The following ARMC2 variants were observed in gnomAD, a reference collection of about 807,000 sequenced individuals.
ARMC2 encodes the protein armadillo repeat containing 2, also known as armadillo repeat-containing protein 2.
In ARMC2, 67 loss-of-function variants were observed where a neutral mutation model predicts 90.3. The observed-to-expected ratio is 0.74, with a 90% CI of 0.61 to 0.91. The LOEUF is 0.91. Ranked by LOEUF, ARMC2 falls within the 40% of genes least tolerant of loss-of-function variation. The pLI, the probability that ARMC2 is intolerant of heterozygous loss-of-function variation, is 0.00. For missense variants in ARMC2, 920 were observed against 1,030.9 expected, an observed-to-expected ratio of 0.89 and a Z score of 1.47; for synonymous variants, 393 against 393.0, an observed-to-expected ratio of 1.00 and a Z score of 0.00.
chr6:108,907,477 T>TTTTTTTTTTTTTTTTA (rs58992504), intron 8 of ARMC2: 8 of 330,234 alleles, frequency 2.4e-5, no homozygotes, highest in Admixed American at 5.4e-5. Context: ...TTTTTTTTTT[T>TTTTTTTTTTTTTTTTA]ACCAGTCATC....
intron 1 of ARMC2, among the ~76,000 whole-genome samples, chr6:108,852,344 A>G (rs1006918011): frequency 2.6e-5 from 4 of 152,230 alleles, no homozygotes; most frequent in South Asian, 2.1e-4. Flanking sequence ...GTTTCTCACA[A>G]TATAATTGTT....
chr6:108,897,682 C>T (rs1196550168), intron 6 of ARMC2, among the ~76,000 whole-genome samples: 3 of 151,922 alleles, frequency 2.0e-5, no homozygotes, highest in Non-Finnish European at 2.9e-5. Flanking sequence ...GATTGCACAG[C>T]GTCCCTGCTT....
the ARMC2 span, among the ~76,000 whole-genome samples, chr6:109,002,517 C>G: frequency 6.6e-6 from 1 of 152,118 alleles, no homozygotes; most frequent in African/African-American, 2.4e-5. Flanking sequence ...TAGCTAACAA[C>G]AGCTTATAAT....
In ARMC2 at chr6:108,973,507, C is replaced by T; in HGVS notation, c.2597C>T (p.Ser866Phe). Residue 866 changes from serine to phenylalanine, a missense_variant, in exon 18 of 18, where the codon TCT becomes TTT. Physicochemically the swap from Ser to Phe is radical, Grantham distance 155 (BLOSUM62 -2). Transcript: ENST00000392644. ...HTFLEPLPIP[S>F]F The stretch of plus-strand genomic sequence containing the variant: ...TTCCTGGAACCCCTGCCCATTCCCT[C>T]TTTCTAACATGATGCAGATTAACAG... 1 of 1,611,624 alleles carries T rather than the reference C, an allele frequency of 6.2e-7. No homozygotes were observed. Among genetic ancestry groups the T allele is most frequent in the South Asian group, 1.1e-5 (1 of 90,716 alleles).
intron 1 of ARMC2, among the ~76,000 whole-genome samples, chr6:108,853,040 G>GT (rs1381666239): frequency 6.6e-6 from 1 of 152,106 alleles, no homozygotes; most frequent in Non-Finnish European, 1.5e-5. Flanking sequence ...ATTTTTGATA[G>GT]TTATATTAAT....
At chr6:108,975,873 T>A (rs1317765988), downstream of ARMC2, among the ~76,000 whole-genome samples, 1 of 152,220 alleles carries the variant, frequency 6.6e-6, no homozygotes, top group Non-Finnish European at 1.5e-5. Context: ...ATAAATTTGT[T>A]TAAGTTCTTT....
chr6:109,025,229 T>C, the ARMC2 span, among the ~76,000 whole-genome samples: 2 of 152,002 alleles, frequency 1.3e-5, no homozygotes, highest in Non-Finnish European at 2.9e-5. Context: ...GTGGAAGGGG[T>C]AAAATCTCCC....
the ARMC2 span, among the ~76,000 whole-genome samples, chr6:108,983,687 A>G: frequency 6.6e-6 from 1 of 152,176 alleles, no homozygotes; most frequent in Non-Finnish European, 1.5e-5. Context: ...GAGACCTCCA[A>G]CTTTGTTCTT....
chr6:108,936,485 A>G (rs2806353), intron 11 of ARMC2, among the ~76,000 whole-genome samples: 31,223 of 152,064 alleles, frequency 0.21, 3,364 homozygotes, highest in African/African-American at 0.25. Flanking sequence ...TGAGCTCCTG[A>G]CCTCAAGTGA....
At chr6:108,894,427 T>C in intron 5 of ARMC2, 40 bp from the exon 6 acceptor site, 1 of 1,547,448 alleles carries the variant, frequency 6.5e-7, no homozygotes, top group Non-Finnish European at 8.8e-7. Flanking sequence ...ATTAGAAGTG[T>C]TTTCATGTTT....
chr6:109,044,778 C>G, the ARMC2 span, among the ~76,000 whole-genome samples: 2 of 152,164 alleles, frequency 1.3e-5, no homozygotes, highest in Admixed American at 6.5e-5. Context: ...AATCCCAGCA[C>G]TTTGGGAGGT....
chr6:108,997,060 A>AC, the ARMC2 span, among the ~76,000 whole-genome samples: 1 of 152,164 alleles, frequency 6.6e-6, no homozygotes, highest in Non-Finnish European at 1.5e-5. Context: ...CTTGTTTGTT[A>AC]CCATTTGTAT....
At chr6:108,863,094 A>G (rs932760893) in intron 3 of ARMC2, among the ~76,000 whole-genome samples, 1 of 152,150 alleles carries the variant, frequency 6.6e-6, no homozygotes, top group Non-Finnish European at 1.5e-5. Context: ...CGACTTGCCC[A>G]GGGGGTTCCT....
At chr6:109,027,080 G>A in the ARMC2 span, among the ~76,000 whole-genome samples, 2 of 152,266 alleles carry the variant, frequency 1.3e-5, no homozygotes, top group East Asian at 3.9e-4. Flanking sequence ...TGAGGCACGA[G>A]AATCGCTTGA....
the ARMC2 span, chr6:109,009,529 T>G: frequency 1.7e-5 from 20 of 1,176,946 alleles, no homozygotes; most frequent in South Asian, 4.1e-5. Context: ...GGCTCCTGGC[T>G]GCAGCGCCTC....
At chr6:108,927,388 T>G (rs909167874) in intron 10 of ARMC2, among the ~76,000 whole-genome samples, 5 of 152,214 alleles carry the variant, frequency 3.3e-5, no homozygotes, top group African/African-American at 1.2e-4. Flanking sequence ...TGATGGGTGG[T>G]GAGGCTGAAC....
intron 5 of ARMC2, chr6:108,880,020 G>C: frequency 2.3e-6 from 1 of 442,246 alleles, no homozygotes; most frequent in Non-Finnish European, 4.5e-6. Context: ...TCAAAAATAA[G>C]AAAAGAGGGC....
intron 12 of ARMC2, among the ~76,000 whole-genome samples, chr6:108,940,276 G>A (rs1053004322): frequency 1.3e-5 from 2 of 152,094 alleles, no homozygotes; most frequent in African/African-American, 4.8e-5. Flanking sequence ...GGAAATCAAG[G>A]ACATGGACAC....
At chr6:108,886,525 C>T (rs1288244308) in intron 5 of ARMC2, among the ~76,000 whole-genome samples, 1 of 152,080 alleles carries the variant, frequency 6.6e-6, no homozygotes, top group Non-Finnish European at 1.5e-5. Flanking sequence ...GAGCAGAGAT[C>T]ACACCACTGC....
Sources: allele counts gnomAD v4.1 joint callset (sites outside exome capture counted in the v4.1 genomes callset), GRCh38; gene constraint gnomAD v4.1.1; transcripts MANE v1.5; gene names NCBI Gene and HGNC (gene_info 2026-07-23, HGNC 2026-07-21).